The following KCNIP4 variants were observed in gnomAD, a reference collection of about 807,000 sequenced individuals.
KCNIP4 encodes the protein potassium voltage-gated channel interacting protein 4, also known as Kv channel-interacting protein 4.
In KCNIP4, 12 loss-of-function variants were observed where a neutral mutation model predicts 34.0. That is an observed-to-expected ratio of 0.35 (90% CI 0.23 to 0.57). The LOEUF (loss-of-function observed/expected upper bound fraction) is 0.57. KCNIP4 is among the 20% of genes least tolerant of loss of function. The pLI is 0.83. For missense variants in KCNIP4, 238 were observed against 311.7 expected (o/e 0.76, Z 1.78); for synonymous variants, 124 against 102.2 (o/e 1.21, Z -1.29).
chr4:21,763,013 C>A, intron 1 of KCNIP4: 2 of 1,288,718 alleles, frequency 1.6e-6, no homozygotes, highest in Non-Finnish European at 2.0e-6. Context: ...TGGTACACAG[C>A]GAATGCTCAA....
chr4:21,713,512 A>G (rs1171435279), intron 1 of KCNIP4, among the ~76,000 whole-genome samples: 1 of 152,196 alleles, frequency 6.6e-6, no homozygotes, highest in African/African-American at 2.4e-5. Flanking sequence ...GGTACAAGTG[A>G]TATTTTGCTA....
At chr4:21,595,377 T>C (rs959814357) in intron 1 of KCNIP4, among the ~76,000 whole-genome samples, 1 of 152,134 alleles carries the variant, frequency 6.6e-6, no homozygotes, top group African/African-American at 2.4e-5. Context: ...ACATTTTCTT[T>C]ATCCAGTCTA....
At chr4:21,369,128 T>C (rs988168475) in intron 1 of KCNIP4, among the ~76,000 whole-genome samples, 1 of 147,132 alleles carries the variant, frequency 6.8e-6, no homozygotes, top group Non-Finnish European at 1.5e-5. Context: ...GGTAACCTGA[T>C]TGAGTCTCCT....
chr4:20,985,427 A>G (rs1369650826), intron 1 of KCNIP4, among the ~76,000 whole-genome samples: 2 of 152,148 alleles, frequency 1.3e-5, no homozygotes. Context: ...AAATTAATCT[A>G]CCACATAAGT....
At chr4:20,854,173 A>G (rs1475439770) in intron 2 of KCNIP4, among the ~76,000 whole-genome samples, 4 of 152,226 alleles carry the variant, frequency 2.6e-5, no homozygotes, top group African/African-American at 7.2e-5. Flanking sequence ...TCATTATTCA[A>G]AAAAGATACT....
intron 1 of KCNIP4, among the ~76,000 whole-genome samples, chr4:20,902,847 A>T (rs919595613): frequency 6.6e-6 from 1 of 152,276 alleles, no homozygotes; most frequent in African/African-American, 2.4e-5. Flanking sequence ...GAAAATAACT[A>T]ATAAAAAATT....
intron 1 of KCNIP4, among the ~76,000 whole-genome samples, chr4:21,805,248 A>C (rs1339539983): frequency 1.3e-5 from 2 of 152,152 alleles, no homozygotes; most frequent in African/African-American, 4.8e-5. Context: ...CTCCATCTAG[A>C]TGTATTGATA....
intron 1 of KCNIP4, among the ~76,000 whole-genome samples, chr4:21,465,356 A>C (rs1305344841): frequency 6.6e-6 from 1 of 152,124 alleles, no homozygotes; most frequent in East Asian, 1.9e-4. Flanking sequence ...TCAATGCTGG[A>C]TTATGAATGC....
chr4:21,814,223 G>T (rs952078638), intron 1 of KCNIP4, among the ~76,000 whole-genome samples: 2 of 152,122 alleles, frequency 1.3e-5, no homozygotes, highest in Non-Finnish European at 2.9e-5. Context: ...CTAAATCAAA[G>T]GGATATTTGA....
rs1450985870 is a variant in KCNIP4 at position 21,615,192 on chromosome 4, A to T, written c.61+333379T>A. Among the ~76,000 whole-genome samples, 3 of 152,262 alleles carry T rather than the reference A, an allele frequency of 2.0e-5. No homozygotes were observed. In the East Asian group the frequency reaches 5.8e-4, roughly 29 times the overall value. ...GATAGAATAAAAATAAATCAAAGGAAAAAAGAAAAAAATAATGATTAGAGT... is the reference window on the plus strand; with the variant it reads ...GATAGAATAAAAATAAATCAAAGGATAAAAGAAAAAAATAATGATTAGAGT... On this transcript the variant is annotated intron_variant, in intron 1 of 8. Transcript: ENST00000382152.
intron 1 of KCNIP4, among the ~76,000 whole-genome samples, chr4:21,655,042 T>C (rs1457800050): frequency 6.6e-6 from 1 of 152,156 alleles, no homozygotes; most frequent in Non-Finnish European, 1.5e-5. Flanking sequence ...TTGATGCTAC[T>C]TCCTAAATGT....
intron 1 of KCNIP4, among the ~76,000 whole-genome samples, chr4:21,282,019 G>A (rs1379835811): frequency 1.3e-5 from 2 of 152,152 alleles, no homozygotes; most frequent in African/African-American, 4.8e-5. Flanking sequence ...GAATAGAGTG[G>A]TGGATTCTAG....
intron 1 of KCNIP4, among the ~76,000 whole-genome samples, chr4:21,363,350 A>G (rs1233548235): frequency 2.0e-5 from 3 of 152,046 alleles, no homozygotes; most frequent in Admixed American, 2.0e-4. Flanking sequence ...CCAAATCTCT[A>G]TGAATATAGA....
chr4:21,147,789 A>C (rs2109232918), intron 1 of KCNIP4, among the ~76,000 whole-genome samples: 2 of 151,866 alleles, frequency 1.3e-5, no homozygotes, highest in East Asian at 3.9e-4. Flanking sequence ...AAATACAAAA[A>C]TTAGCCGAGC....
chr4:21,238,962 T>C (rs1759584547), intron 1 of KCNIP4, among the ~76,000 whole-genome samples: 1 of 152,128 alleles, frequency 6.6e-6, no homozygotes, highest in Non-Finnish European at 1.5e-5. Flanking sequence ...TCACGCTACT[T>C]GACTTCAAAC....
intron 1 of KCNIP4, among the ~76,000 whole-genome samples, chr4:20,917,720 T>C (rs1184106280): frequency 6.6e-6 from 1 of 152,010 alleles, no homozygotes; most frequent in Non-Finnish European, 1.5e-5. Context: ...TGGCCAGGTG[T>C]GGTGGCTCAT....
At chr4:21,622,737 T>TA (rs1745075004) in intron 1 of KCNIP4, among the ~76,000 whole-genome samples, 1 of 152,212 alleles carries the variant, frequency 6.6e-6, no homozygotes, top group East Asian at 1.9e-4. Flanking sequence ...GGCATCAACT[T>TA]AAAAAAATAG....
chr4:21,623,000 G>A (rs1745092452), intron 1 of KCNIP4, among the ~76,000 whole-genome samples: 1 of 152,130 alleles, frequency 6.6e-6, no homozygotes, highest in African/African-American at 2.4e-5. Flanking sequence ...ATATGATGGA[G>A]CTTATGACAT....
intron 3 of KCNIP4, among the ~76,000 whole-genome samples, chr4:20,812,642 G>A (rs1455694620): frequency 6.6e-6 from 1 of 152,180 alleles, no homozygotes; most frequent in Non-Finnish European, 1.5e-5. Flanking sequence ...TTGGAGTTCG[G>A]TTTGGGGATG....
Sources: allele counts gnomAD v4.1 joint callset (sites outside exome capture counted in the v4.1 genomes callset), GRCh38; gene constraint gnomAD v4.1.1; transcripts MANE v1.5; gene names NCBI Gene and HGNC (gene_info 2026-07-23, HGNC 2026-07-21).